The following CENPT variants were observed in gnomAD, a reference collection of about 807,000 sequenced individuals.
CENPT encodes the protein interphase centromere complex protein 22.
CENPT carries 42 observed loss-of-function variants against 59.7 expected under a neutral mutation model. The ratio of observed to expected loss-of-function variants is 0.70; its 90% CI spans 0.55 to 0.91. The LOEUF is 0.91. Ranked by LOEUF, CENPT falls within the 40% of genes least tolerant of loss-of-function variation. The pLI, the probability that CENPT is intolerant of heterozygous loss-of-function variation, is 0.00. For missense variants in CENPT, 716 were observed against 713.4 expected (o/e 1.00, Z -0.04); for synonymous variants, 295 against 289.6 (o/e 1.02, Z -0.19).
chr16:67,833,362 T>G (rs1322753492), intron 4 of CENPT, among the ~76,000 whole-genome samples: 2 of 152,162 alleles, frequency 1.3e-5, no homozygotes, highest in African/African-American at 4.8e-5. Context: ...CCCTGGCTGG[T>G]CTGGGGAAAG....
At chr16:67,828,878 G>C (rs555320639) in intron 13 of CENPT, 35 bp from the exon 14 acceptor site, 29 of 1,543,664 alleles carry the variant, frequency 1.9e-5, no homozygotes, top group Non-Finnish European at 2.4e-5. Flanking sequence ...GGCTGAACTT[G>C]CCTCAAGGAG....
chr16:67,828,220 G>A lies in CENPT; in HGVS notation c.*47C>T. 1 of 1,537,642 alleles carries A rather than the reference G, an allele frequency of 6.5e-7. No individual in the cohort carries two copies. The highest frequency in any genetic ancestry group is 8.8e-7 in the Non-Finnish European group (1 of 1,142,466). ...GAGGAGACCTGGAGAAATATGTGGGGGCAAGAGTCCCCAGGTGGGGACAGG... is the reference window on the plus strand; with the variant it reads ...GAGGAGACCTGGAGAAATATGTGGGAGCAAGAGTCCCCAGGTGGGGACAGG... On this transcript the variant is annotated 3_prime_UTR_variant, in exon 16 of 16. Coordinates refer to ENST00000562787, the MANE Select transcript of CENPT (RefSeq NM_025082.4).
At chr16:67,837,474 C>T (rs1290061715) in intron 1 of CENPT, among the ~76,000 whole-genome samples, 2 of 151,698 alleles carry the variant, frequency 1.3e-5, no homozygotes, top group Non-Finnish European at 2.9e-5. Flanking sequence ...TTTGGGAGGC[C>T]GAGGCAGGTG....
At chr16:67,830,745 C>T (rs2057679413) in intron 10 of CENPT, 197 bp from the exon 11 acceptor site, 4 of 585,272 alleles carry the variant, frequency 6.8e-6, no homozygotes, top group Middle Eastern at 4.5e-4. Context: ...CTACAGCCCT[C>T]CTTGCTTACC....
At chr16:67,830,631 C>G in intron 10 of CENPT, 83 bp from the exon 11 acceptor site, 1 of 1,435,872 alleles carries the variant, frequency 7.0e-7, no homozygotes. Context: ...CCAGGCCCAC[C>G]GGCTGCTACT....
intron 8 of CENPT, 28 bp downstream of exon 8, chr16:67,831,726 G>A (rs761062377): frequency 1.9e-6 from 3 of 1,584,136 alleles, no homozygotes; most frequent in African/African-American, 1.4e-5. Flanking sequence ...GAGGGAGAGG[G>A]TAGCAAAAGT....
intron 1 of CENPT, among the ~76,000 whole-genome samples, chr16:67,838,621 C>CA (rs768333473): frequency 1.2e-3 from 132 of 112,412 alleles, no homozygotes; most frequent in Middle Eastern, 4.1e-3. Flanking sequence ...GACTCCGTCT[C>CA]AAAAAAAAAA....
In CENPT at chr16:67,833,900, A is replaced by G; in HGVS notation, c.-41T>C. ...CCCTCCTAACCGCCCAGCCAGCTGC[A>G]GGCTCCGCCTTCCCGCCGCCACAGT... On this transcript the variant is annotated 5_prime_UTR_variant, in exon 4 of 16. Transcript: ENST00000562787. 7.6e-7 allele frequency: 1 copy of G among 1,314,386 alleles called. No individual in the cohort carries two copies. Among genetic ancestry groups the G allele is most frequent in the South Asian group, 1.6e-5 (1 of 63,966 alleles). 81.4% of individuals were successfully genotyped at this position (1,314,386 alleles called of 1,614,324 possible). A position where few individuals can be genotyped will look rare whatever the true frequency, so the allele number is the denominator to read the frequency against.
At chr16:67,835,899 G>T (rs999627032) in intron 1 of CENPT, among the ~76,000 whole-genome samples, 4 of 151,558 alleles carry the variant, frequency 2.6e-5, no homozygotes. Flanking sequence ...TGGGATTACA[G>T]GCTGGCACCA....
chr16:67,832,284 C>T lies in CENPT; in HGVS notation c.233G>A (p.Ser78Asn). The change falls in exon 6 of 16, where the codon AGT becomes AAT. Residue 78 changes from serine to asparagine, a missense_variant. Coordinates refer to ENST00000562787, the MANE Select transcript of CENPT (RefSeq NM_025082.4). ...SVGRSAHIQA[S>N]GHLEEQTPRT... ...AGGTGTCTGTTCCTCCAAGTGCCCA[C>T]TGGCCTGAATATGGGCCGATCTGCC... 1 of 1,614,234 alleles carries T rather than the reference C, an allele frequency of 6.2e-7. No homozygotes were observed. Among genetic ancestry groups the T allele is most frequent in the Non-Finnish European group, 8.5e-7 (1 of 1,180,024 alleles).
intron 1 of CENPT, chr16:67,847,068 T>G: frequency 1.4e-5 from 2 of 138,264 alleles, no homozygotes; most frequent in African/African-American, 2.8e-5. Context: ...CCGCTGAGAG[T>G]CCCCGGGCGG....
intron 1 of CENPT, among the ~76,000 whole-genome samples, chr16:67,837,198 G>A (rs2057739100): frequency 6.6e-6 from 1 of 151,144 alleles, no homozygotes; most frequent in African/African-American, 2.4e-5. Context: ...TTTGAGACAG[G>A]GTCTCGCTCT....
chr16:67,839,628 T>G (rs1439346389), intron 1 of CENPT, among the ~76,000 whole-genome samples: 1 of 152,040 alleles, frequency 6.6e-6, no homozygotes, highest in Non-Finnish European at 1.5e-5. Flanking sequence ...ATCCCAGCAC[T>G]TTGGGAGGCC....
chr16:67,830,560 G>A lies in CENPT; in HGVS notation c.704-12C>T. 1 of 1,612,912 alleles carries A rather than the reference G, an allele frequency of 6.2e-7. No homozygotes were observed. The highest frequency in any genetic ancestry group is 8.5e-7 in the Non-Finnish European group (1 of 1,179,614). ...CTCCAACACAATGTCTGTGGGCAGA[G>A]TAGTAACAGGTTCTGAGGCTGTCAC... On this transcript the variant is annotated splice_polypyrimidine_tract_variant and intron_variant, in intron 10 of 15. Coordinates refer to ENST00000562787, the MANE Select transcript of CENPT (RefSeq NM_025082.4).
intron 10 of CENPT, 56 bp downstream of exon 10, chr16:67,831,160 C>A: frequency 6.2e-7 from 1 of 1,612,330 alleles, no homozygotes; most frequent in Admixed American, 1.7e-5. Flanking sequence ...CACCTCCTAT[C>A]TGTCATAGCG....
chr16:67,834,696 G>T (rs2057724262), intron 3 of CENPT, among the ~76,000 whole-genome samples: 1 of 152,214 alleles, frequency 6.6e-6, no homozygotes, highest in South Asian at 2.1e-4. Context: ...CAGGAAGCAG[G>T]CTCCAAGGCT....
In CENPT at chr16:67,831,049, GC is replaced by G. The variant is rs1024054226; in HGVS notation, c.703+166del. 4.8e-5 allele frequency: 40 copies of G among 828,046 alleles called. No individual in the cohort carries two copies. In the Middle Eastern group the frequency reaches 1.5e-3, roughly 30 times the overall value. 51.3% of individuals were successfully genotyped at this position (828,046 alleles called of 1,614,324 possible). A position where few individuals can be genotyped will look rare whatever the true frequency, so the allele number is the denominator to read the frequency against. ...AGACACCGAGGGACCAAGGAAAGAG[GC>G]CCCCTGTAGAAAGCAAGCAGAAATT... On this transcript the variant is annotated intron_variant, in intron 10 of 15. Transcript: ENST00000562787.
chr16:67,841,439 C>T (rs2057760527), intron 1 of CENPT: 1 of 152,190 alleles, frequency 6.6e-6, no homozygotes, highest in Non-Finnish European at 1.5e-5. Context: ...TGTGGCCTTA[C>T]AGACTGGTTC....
At chr16:67,840,884 TG>T (rs1372039686) in intron 1 of CENPT, among the ~76,000 whole-genome samples, 1 of 151,240 alleles carries the variant, frequency 6.6e-6, no homozygotes, top group African/African-American at 2.4e-5. Context: ...CCAGGCGCCG[TG>T]ATCCTAGCTC....
Sources: allele counts gnomAD v4.1 joint callset (sites outside exome capture counted in the v4.1 genomes callset), GRCh38; gene constraint gnomAD v4.1.1; transcripts MANE v1.5; gene names NCBI Gene and HGNC (gene_info 2026-07-23, HGNC 2026-07-21).